The following ACER3 variants were observed in gnomAD, a reference collection of about 807,000 sequenced individuals.
ACER3 encodes alkaline ceramidase 3.
ACER3 carries 16 observed loss-of-function variants against 48.9 expected under a neutral mutation model. The observed-to-expected ratio is 0.33, with a 90% CI of 0.22 to 0.50. The LOEUF (loss-of-function observed/expected upper bound fraction) is 0.50. Ranked by LOEUF, ACER3 falls within the 20% of genes least tolerant of loss-of-function variation. The probability of loss-of-function intolerance (pLI) is 0.98; values close to 1 mark genes in which losing one functional copy is unlikely to be tolerated. For synonymous variants in ACER3, 109 were observed against 107.8 expected, an observed-to-expected ratio of 1.01 and a Z score of -0.07; for missense variants, 227 against 326.0, an observed-to-expected ratio of 0.70 and a Z score of 2.34.
intron 2 of ACER3, among the ~76,000 whole-genome samples, chr11:76,946,854 G>A (rs1947486942): frequency 1.3e-5 from 2 of 152,192 alleles, no homozygotes; most frequent in Admixed American, 1.3e-4. Flanking sequence ...CAATCTCCAG[G>A]TAGCTTTCTG....
intron 2 of ACER3, among the ~76,000 whole-genome samples, chr11:76,950,084 T>C (rs1456178873): frequency 6.6e-6 from 1 of 152,052 alleles, no homozygotes; most frequent in Non-Finnish European, 1.5e-5. Context: ...AGTCTCCTGC[T>C]AGGATCAGAT....
intron 3 of ACER3, among the ~76,000 whole-genome samples, chr11:76,963,658 AG>A (rs1948058946): frequency 6.6e-6 from 1 of 151,396 alleles, no homozygotes; most frequent in Non-Finnish European, 1.5e-5. Flanking sequence ...ACCAGCCCAA[AG>A]ACTCTAAGTC....
At chr11:76,946,542 G>T (rs1013804667) in intron 2 of ACER3, among the ~76,000 whole-genome samples, 2 of 152,186 alleles carry the variant, frequency 1.3e-5, no homozygotes, top group South Asian at 2.1e-4. Context: ...GGTGCCTAGG[G>T]TGGGGACTAG....
At chr11:76,998,722 C>T in intron 6 of ACER3, 41 bp from the exon 7 acceptor site, 1 of 1,479,834 alleles carries the variant, frequency 6.8e-7, no homozygotes, top group Non-Finnish European at 9.2e-7. Flanking sequence ...CTTTGCCAAA[C>T]AATAATGATT....
intron 1 of ACER3, among the ~76,000 whole-genome samples, chr11:76,889,856 A>G (rs1945763194): frequency 6.7e-6 from 1 of 150,036 alleles, no homozygotes; most frequent in East Asian, 1.9e-4. Context: ...CTTTTTTTCA[A>G]ATCTGCCTGG....
At chr11:76,995,070 A>G (rs565664263) in intron 6 of ACER3, among the ~76,000 whole-genome samples, 3 of 152,338 alleles carry the variant, frequency 2.0e-5, no homozygotes, top group Non-Finnish European at 4.4e-5. Context: ...ATAGGATGAT[A>G]TGAAACAATA....
At chr11:76,953,095 T>C (rs980090119) in intron 2 of ACER3, among the ~76,000 whole-genome samples, 4 of 151,954 alleles carry the variant, frequency 2.6e-5, no homozygotes, top group Non-Finnish European at 5.9e-5. Flanking sequence ...CAAAGCAGAC[T>C]CGAGTTAATG....
chr11:76,910,162 T>C (rs2134718013), intron 1 of ACER3, among the ~76,000 whole-genome samples: 1 of 152,054 alleles, frequency 6.6e-6, no homozygotes. Flanking sequence ...TTAGGAGAAA[T>C]ACCTAATGTA....
At chr11:76,917,790 G>A (rs937802212) in intron 1 of ACER3, among the ~76,000 whole-genome samples, 1 of 150,682 alleles carries the variant, frequency 6.6e-6, no homozygotes, top group Non-Finnish European at 1.5e-5. Flanking sequence ...GAGCCCAAAA[G>A]GTCGAGGCTG....
intron 3 of ACER3, among the ~76,000 whole-genome samples, chr11:76,973,807 C>T (rs775732131): frequency 2.0e-4 from 30 of 152,128 alleles, no homozygotes; most frequent in Admixed American, 7.8e-4. Flanking sequence ...AAAACTATTG[C>T]CTAATCCAAG....
intron 5 of ACER3, among the ~76,000 whole-genome samples, chr11:76,987,837 AGCT>A (rs1948716304): frequency 6.6e-6 from 1 of 152,164 alleles, no homozygotes; most frequent in Non-Finnish European, 1.5e-5. Flanking sequence ...CTACTCAGGA[AGCT>A]GAGGTGAGAG....
Position 76,882,028 on chromosome 11 carries a change from G to A in ACER3, c.103+20949G>A, listed in dbSNP as rs7109386. 4.0e-3 allele frequency among the ~76,000 whole-genome samples: 517 copies of A among 129,274 alleles called. 7 individuals carry two copies. The highest frequency in any genetic ancestry group is 0.014 in the African/African-American group (491 of 34,342). The allele number at this position is 129,274 out of a possible 152,430, so 84.8% of individuals were successfully genotyped here. Reference sequence around the variant, plus strand: ...CTTTTTTTTTTTTTTTTTTTGAGATGGAGTCTCGCTCTGTTGTTCAGGCTG... The same window carrying A: ...CTTTTTTTTTTTTTTTTTTTGAGATAGAGTCTCGCTCTGTTGTTCAGGCTG... On this transcript the variant is annotated intron_variant, in intron 1 of 10. Transcript: ENST00000532485.
rs575892950 is a variant in ACER3, at chr11:77,025,411, T to TATATATATATATATATATATATATA, written c.*5084_*5085insATATATATATATATATATATATATA. 1.4e-5 allele frequency: 2 copies of TATATATATATATATATATATATATA among 141,216 alleles called. No homozygotes were observed. The highest frequency in any genetic ancestry group is 5.6e-5 in the African/African-American group (2 of 35,426). The allele number at this position is 141,216 out of a possible 1,614,324, so 8.7% of individuals were successfully genotyped here. Reference sequence around the variant, plus strand: ...TATTCTTTATATATATATATATATATTTATTTATTTTTTTGAGACAGAGTC... The same window carrying TATATATATATATATATATATATATA: ...TATTCTTTATATATATATATATATATATATATATATATATATATATATATATTATTTATTTTTTTGAGACAGAGTC... On this transcript the variant is annotated 3_prime_UTR_variant, in exon 11 of 11. Coordinates refer to ENST00000532485, the MANE Select transcript of ACER3 (RefSeq NM_018367.7).
intron 1 of ACER3, among the ~76,000 whole-genome samples, chr11:76,923,673 G>C (rs1772379348): frequency 6.6e-6 from 1 of 152,142 alleles, no homozygotes; most frequent in African/African-American, 2.4e-5. Context: ...TTTTGCTTTT[G>C]TGATTTGTTA....
intron 2 of ACER3, among the ~76,000 whole-genome samples, chr11:76,938,647 G>A (rs954627482): frequency 6.6e-6 from 1 of 152,142 alleles, no homozygotes; most frequent in Non-Finnish European, 1.5e-5. Flanking sequence ...ATTGTTAGGA[G>A]CTAGGATTCT....
intron 4 of ACER3, 56 bp from the exon 5 acceptor site, chr11:76,985,587 A>G (rs1437161252): frequency 1.8e-6 from 2 of 1,117,994 alleles, no homozygotes; most frequent in African/African-American, 1.6e-5. Context: ...GCAGCATTCT[A>G]TTTATGTTCC....
chr11:77,004,709 A>G (rs901043309), intron 7 of ACER3, among the ~76,000 whole-genome samples: 1 of 152,130 alleles, frequency 6.6e-6, no homozygotes, highest in African/African-American at 2.4e-5. Flanking sequence ...AGTCTAATTT[A>G]TCTGATTAAT....
Position 76,894,307 on chromosome 11 carries a change from C to T in ACER3, c.104-32250C>T, listed in dbSNP as rs1945878117. 2.0e-5 allele frequency among the ~76,000 whole-genome samples: 3 copies of T among 152,106 alleles called. No homozygotes were observed. In the South Asian group the frequency reaches 6.2e-4, roughly 31 times the overall value. On this transcript the variant is annotated intron_variant, in intron 1 of 10. Transcript: ENST00000532485. ...AACAAACAAATACAAAACTAAGTTA[C>T]CTCTTTAATAATTAGATAAATGCAG...
At chr11:76,879,650 C>CA (rs1373413673) in intron 1 of ACER3, among the ~76,000 whole-genome samples, 11 of 152,136 alleles carry the variant, frequency 7.2e-5, no homozygotes, top group African/African-American at 2.7e-4. Context: ...TTGGGTTTGT[C>CA]AAATATTATT....
Sources: gnomAD v4.1 joint callset for allele counts (sites outside exome capture counted in the v4.1 genomes callset) on GRCh38, gnomAD v4.1.1 for gene constraint, MANE v1.5 for transcripts, NCBI Gene and HGNC (gene_info 2026-07-23, HGNC 2026-07-21) for gene names.